PCDHGA3: variants seen among roughly 807,000 people sequenced by gnomAD.
PCDHGA3 encodes protocadherin gamma-A3.
In PCDHGA3, 40 loss-of-function variants were observed where a neutral mutation model predicts 58.5. The ratio of observed to expected loss-of-function variants is 0.68; its 90% CI spans 0.53 to 0.89. The LOEUF is 0.89. Ranked by LOEUF, PCDHGA3 falls within the 40% of genes least tolerant of loss-of-function variation. The pLI is 0.00. For synonymous variants in PCDHGA3, 530 were observed against 525.7 expected, an observed-to-expected ratio of 1.01 and a Z score of -0.11; for missense variants, 1,223 against 1,195.9, an observed-to-expected ratio of 1.02 and a Z score of -0.33.
chr5:141,403,052 T>G (rs1336291522), intron 1 of PCDHGA3: 4 of 1,614,066 alleles, frequency 2.5e-6, no homozygotes, highest in Admixed American at 1.7e-5. Context: ...GATTCGCTAC[T>G]CAGTGCCTGA....
At chr5:141,500,045 T>C (rs2099796072) in intron 2 of PCDHGA3, among the ~76,000 whole-genome samples, 1 of 152,062 alleles carries the variant, frequency 6.6e-6, no homozygotes, top group South Asian at 2.1e-4. Flanking sequence ...CTTAAGTATC[T>C]TAATGCTCTT....
chr5:141,487,718 A>G lies in PCDHGA3; in HGVS notation c.2425-7089A>G. Reference sequence around the variant, plus strand: ...TACTGGCCTCTCAGTAAGTGCCCATAGTGATGTCACCATTTTTGTAAGAGG... The same window carrying G: ...TACTGGCCTCTCAGTAAGTGCCCATGGTGATGTCACCATTTTTGTAAGAGG... On this transcript the variant is annotated intron_variant, in intron 1 of 3. Coordinates refer to ENST00000253812, the MANE Select transcript of PCDHGA3 (RefSeq NM_018916.4). The surrounding 1 kb of genome is among the most constrained non-coding windows in gnomAD (Gnocchi z 5.0). The G allele has an allele frequency of 1.3e-6, 2 of 1,580,268 alleles. No individual in the cohort carries two copies. The highest frequency in any genetic ancestry group is 1.7e-6 in the Non-Finnish European group (2 of 1,161,186).
chr5:141,371,686 C>T (rs377384867), intron 1 of PCDHGA3: 11 of 1,614,026 alleles, frequency 6.8e-6, no homozygotes, highest in Non-Finnish European at 9.3e-6. Flanking sequence ...GGCAATCCAC[C>T]GCTCTCCTCC....
intron 1 of PCDHGA3, chr5:141,478,028 G>A (rs2099428840): frequency 6.2e-7 from 1 of 1,614,060 alleles, no homozygotes; most frequent in South Asian, 1.1e-5. Flanking sequence ...CCAAGACACA[G>A]ATTCACCCAG....
Position 141,476,129 on chromosome 5 carries a change from G to T in PCDHGA3, c.2425-18678G>T, listed in dbSNP as rs2099385585. 6.2e-7 allele frequency: 1 copy of T among 1,606,848 alleles called. No homozygotes were observed. The highest frequency in any genetic ancestry group is 1.3e-5 in the African/African-American group (1 of 75,000). On this transcript the variant is annotated intron_variant, in intron 1 of 3. Transcript: ENST00000253812. The surrounding 1 kb of genome is among the most constrained non-coding windows in gnomAD (Gnocchi z 7.6). ...GCTTTTGAGTGAGATGGTCCCAGAG[G>T]CCTGGAGGAGCGGACTGGTAAGCAC...
chr5:141,361,550 C>T (rs749597862), intron 1 of PCDHGA3: 3 of 1,614,060 alleles, frequency 1.9e-6, no homozygotes, highest in Non-Finnish European at 2.5e-6. Flanking sequence ...GCCTCTATCG[C>T]TCAAATCAGT....
chr5:141,446,075 A>G (rs907731619), intron 1 of PCDHGA3, among the ~76,000 whole-genome samples: 1 of 152,216 alleles, frequency 6.6e-6, no homozygotes, highest in Admixed American at 6.5e-5. Context: ...GAGGCAGTGG[A>G]TGTAGAAATA....
Position 141,431,485 on chromosome 5 carries a change from T to G in PCDHGA3, c.2425-63322T>G. 2 of 1,613,924 alleles carry G rather than the reference T, an allele frequency of 1.2e-6. No individual in the cohort carries two copies. Among genetic ancestry groups the G allele is most frequent in the Non-Finnish European group, 1.7e-6 (2 of 1,179,990 alleles). ...ATGCGAACGACAACGCACCAGCGTTTGCTCAGCCCGAGTACCGCGCGAGCG... is the reference window on the plus strand; with the variant it reads ...ATGCGAACGACAACGCACCAGCGTTGGCTCAGCCCGAGTACCGCGCGAGCG... On this transcript the variant is annotated intron_variant, in intron 1 of 3. Coordinates refer to ENST00000253812, the MANE Select transcript of PCDHGA3 (RefSeq NM_018916.4). This position sits in a 1 kb window ranked among gnomAD's most constrained non-coding sequence, Gnocchi z 4.8.
rs766593056 is a variant in PCDHGA3, at chr5:141,372,812, G to T, written c.2424+26355G>T. On this transcript the variant is annotated intron_variant, in intron 1 of 3. Coordinates refer to ENST00000253812, the MANE Select transcript of PCDHGA3 (RefSeq NM_018916.4). ...CTAATTCAGGCAATTTGCAAAAGGT[G>T]AGTTTCTTCAAACCTTTCCTTCCAT... 67 of 1,584,432 alleles carry T rather than the reference G, an allele frequency of 4.2e-5. No homozygotes were observed. In the Middle Eastern group the frequency reaches 6.7e-4, roughly 16 times the overall value.
intron 1 of PCDHGA3, chr5:141,389,544 A>G (rs759523366): frequency 1.2e-6 from 2 of 1,613,260 alleles, no homozygotes; most frequent in Non-Finnish European, 1.7e-6. Context: ...GGACGACCGC[A>G]ACGACAATGC....
chr5:141,474,566 G>A (rs2154572064), intron 1 of PCDHGA3, among the ~76,000 whole-genome samples: 1 of 152,336 alleles, frequency 6.6e-6, no homozygotes, highest in Non-Finnish European at 1.5e-5. Flanking sequence ...GGTTTTCAGA[G>A]ATTAATTGAA....
chr5:141,487,323 G>A lies in PCDHGA3; in HGVS notation c.2425-7484G>A, dbSNP rs374901235. Reference sequence around the variant, plus strand: ...GTGGCACTACTCTCTAAGTGTCTTCGTGGGGCAGCCTGTGGAGTCACATGC... The same window carrying A: ...GTGGCACTACTCTCTAAGTGTCTTCATGGGGCAGCCTGTGGAGTCACATGC... On this transcript the variant is annotated intron_variant, in intron 1 of 3. Coordinates refer to ENST00000253812, the MANE Select transcript of PCDHGA3 (RefSeq NM_018916.4). The surrounding 1 kb of genome is among the most constrained non-coding windows in gnomAD (Gnocchi z 5.0). 4.0e-5 allele frequency: 65 copies of A among 1,613,982 alleles called. No homozygotes were observed. Among genetic ancestry groups the A allele is most frequent in the Non-Finnish European group, 4.7e-5 (56 of 1,180,012 alleles).
At chr5:141,460,088 A>C (rs1225262213) in intron 1 of PCDHGA3, among the ~76,000 whole-genome samples, 2 of 151,990 alleles carry the variant, frequency 1.3e-5, no homozygotes, top group Non-Finnish European at 2.9e-5. Flanking sequence ...AAAAATAATA[A>C]TTATACATGT....
intron 1 of PCDHGA3, chr5:141,365,748 CTG>C: frequency 6.2e-7 from 1 of 1,613,834 alleles, no homozygotes; most frequent in Non-Finnish European, 8.5e-7. Context: ...TCTATCTTCT[CTG>C]TGACAGCCCA....
intron 1 of PCDHGA3, chr5:141,415,909 C>T: frequency 2.6e-6 from 2 of 761,032 alleles, no homozygotes; most frequent in Non-Finnish European, 3.7e-6. Context: ...GACTTCCATA[C>T]AGAAGTGCCT....
At chr5:141,404,319 C>T in intron 1 of PCDHGA3, 3 of 1,613,900 alleles carry the variant, frequency 1.9e-6, no homozygotes, top group East Asian at 4.5e-5. Context: ...TCTCAAGCCT[C>T]CTACTCAGTC....
intron 1 of PCDHGA3, chr5:141,413,293 C>G: frequency 6.2e-7 from 1 of 1,613,946 alleles, no homozygotes; most frequent in South Asian, 1.1e-5. Context: ...CTACTCAATT[C>G]CTGAGGAATT....
At chr5:141,413,451 CA>C (rs1561742676) in intron 1 of PCDHGA3, 1 of 1,614,118 alleles carries the variant, frequency 6.2e-7, no homozygotes, top group East Asian at 2.2e-5. Context: ...TCACCGCGGG[CA>C]GGATAGACCG....
chr5:141,490,985 C>T lies in PCDHGA3; in HGVS notation c.2425-3822C>T. On this transcript the variant is annotated intron_variant, in intron 1 of 3. Transcript: ENST00000253812. This position sits in a 1 kb window ranked among gnomAD's most constrained non-coding sequence, Gnocchi z 5.4. ...TCAGCCCCCCAGCGTCTCCCTCGCT[C>T]TGCTCCTCCTGGCTCCTTGGTCACC... The T allele has an allele frequency of 1.9e-6, 3 of 1,614,128 alleles. No individual in the cohort carries two copies. The highest frequency in any genetic ancestry group is 2.5e-6 in the Non-Finnish European group (3 of 1,180,032).
Sources: gnomAD v4.1 joint callset for allele counts (sites outside exome capture counted in the v4.1 genomes callset) on GRCh38, gnomAD v4.1.1 for gene constraint, Gnocchi (gnomAD v3.1) non-coding constraint, MANE v1.5 for transcripts, NCBI Gene and HGNC (gene_info 2026-07-23, HGNC 2026-07-21) for gene names.